The following NTM variants were observed in gnomAD, a reference collection of about 807,000 sequenced individuals.
NTM encodes the protein neurotrimin, also known as IgLON family member 2.
A neutral mutation model predicts 42.1 loss-of-function variants in NTM; 13 were observed. That is an observed-to-expected ratio of 0.31 (90% CI 0.20 to 0.49). The LOEUF (loss-of-function observed/expected upper bound fraction) is 0.49, where lower values mean the gene tolerates loss of function less well. Among genes scored for constraint, NTM ranks in the 20% least tolerant of loss-of-function variants. NTM has a pLI of 0.99. For synonymous variants in NTM, 187 were observed against 179.2 expected, an observed-to-expected ratio of 1.04 and a Z score of -0.35; for missense variants, 373 against 452.8, an observed-to-expected ratio of 0.82 and a Z score of 1.60.
chr11:131,470,164 T>A (rs1362979178), intron 1 of NTM, among the ~76,000 whole-genome samples: 1 of 152,214 alleles, frequency 6.6e-6, no homozygotes, highest in Admixed American at 6.5e-5. Context: ...ACATGGTTAC[T>A]TTCTCTGTTT....
intron 1 of NTM, among the ~76,000 whole-genome samples, chr11:131,722,863 C>T (rs2078534906): frequency 6.6e-6 from 1 of 152,230 alleles, no homozygotes; most frequent in Non-Finnish European, 1.5e-5. Context: ...GACCCAGAAA[C>T]ATTGTGTGAA....
At chr11:131,460,089 T>C (rs1034326337) in intron 1 of NTM, among the ~76,000 whole-genome samples, 4 of 152,208 alleles carry the variant, frequency 2.6e-5, no homozygotes, top group Non-Finnish European at 5.9e-5. Context: ...GATATGGGAC[T>C]GTATTAACAG....
intron 1 of NTM, among the ~76,000 whole-genome samples, chr11:131,751,945 G>C (rs914318512): frequency 6.6e-6 from 1 of 152,142 alleles, no homozygotes; most frequent in East Asian, 1.9e-4. Flanking sequence ...TACCTGACAC[G>C]ACACTGATGC....
chr11:131,768,535 G>A (rs572550876), intron 1 of NTM, among the ~76,000 whole-genome samples: 79 of 152,276 alleles, frequency 5.2e-4, no homozygotes, highest in South Asian at 1.2e-3. Flanking sequence ...CTATCTATAG[G>A]ATCATTGCGG....
intron 2 of NTM, among the ~76,000 whole-genome samples, chr11:132,036,288 A>G (rs2135718681): frequency 6.6e-6 from 1 of 152,234 alleles, no homozygotes; most frequent in Non-Finnish European, 1.5e-5. Context: ...TTCCTCCCCT[A>G]GGCTCCAAGT....
intron 2 of NTM, among the ~76,000 whole-genome samples, chr11:131,959,723 A>C (rs1415319637): frequency 1.3e-5 from 2 of 152,214 alleles, no homozygotes; most frequent in African/African-American, 2.4e-5. Flanking sequence ...TAGCAAATCC[A>C]TTCAATTTGT....
At chr11:131,508,379 G>T (rs928734156) in intron 1 of NTM, among the ~76,000 whole-genome samples, 10 of 150,496 alleles carry the variant, frequency 6.6e-5, no homozygotes, top group Non-Finnish European at 1.3e-4. Context: ...AAAAAGTCAG[G>T]AAACAACAGG....
chr11:131,609,904 C>T (rs1179151222), intron 1 of NTM, among the ~76,000 whole-genome samples: 4 of 152,136 alleles, frequency 2.6e-5, no homozygotes, highest in Non-Finnish European at 5.9e-5. Flanking sequence ...GCTCAGGTTA[C>T]CTGTTTTTCT....
chr11:131,888,269 C>T lies in NTM; in HGVS notation c.83-23295C>T, dbSNP rs142617833. ...TGAGCTGAGATTGCACCACTACACTCCAGCCTCGGCGACAGAGTGAGACTC... is the reference window on the plus strand; with the variant it reads ...TGAGCTGAGATTGCACCACTACACTTCAGCCTCGGCGACAGAGTGAGACTC... On this transcript the variant is annotated intron_variant, in intron 1 of 8. Transcript: ENST00000683400. Among the ~76,000 whole-genome samples, 504 of 152,186 alleles carry T rather than the reference C, an allele frequency of 3.3e-3. 2 individuals are homozygous for T. The highest frequency in any genetic ancestry group is 0.011 in the African/African-American group (476 of 41,524).
chr11:132,160,283 C>T (rs376587048), intron 3 of NTM, among the ~76,000 whole-genome samples: 93 of 152,260 alleles, frequency 6.1e-4, no homozygotes, highest in African/African-American at 2.2e-3. Context: ...GTGATTGAGT[C>T]GGTCTGGTAG....
chr11:131,845,357 G>A (rs994468139), intron 1 of NTM, among the ~76,000 whole-genome samples: 1 of 152,026 alleles, frequency 6.6e-6, no homozygotes, highest in African/African-American at 2.4e-5. Flanking sequence ...TCTGGAATGG[G>A]GTTGGAGAAG....
chr11:131,785,936 A>G (rs548129239), intron 1 of NTM, among the ~76,000 whole-genome samples: 2 of 152,332 alleles, frequency 1.3e-5, no homozygotes, highest in Admixed American at 6.5e-5. Context: ...CCTGTAGTGC[A>G]GGCGTTCTAT....
At chr11:131,547,730 A>G (rs142858876) in intron 1 of NTM, among the ~76,000 whole-genome samples, 21 of 152,272 alleles carry the variant, frequency 1.4e-4, no homozygotes, top group Non-Finnish European at 2.9e-4. Flanking sequence ...TGACTATACT[A>G]TACACCCTCT....
At chr11:131,690,943 A>G (rs921974955) in intron 1 of NTM, among the ~76,000 whole-genome samples, 4 of 152,154 alleles carry the variant, frequency 2.6e-5, no homozygotes, top group African/African-American at 9.7e-5. Flanking sequence ...ATCGAAACCC[A>G]GGGAGGAGAA....
intron 3 of NTM, among the ~76,000 whole-genome samples, chr11:132,204,484 C>T (rs1265179043): frequency 2.6e-5 from 4 of 152,148 alleles, no homozygotes; most frequent in Non-Finnish European, 5.9e-5. Flanking sequence ...GCAAGCCAGG[C>T]AGGCTGGGGG....
At chr11:132,230,915 G>A (rs1241861623) in intron 4 of NTM, among the ~76,000 whole-genome samples, 1 of 152,202 alleles carries the variant, frequency 6.6e-6, no homozygotes, top group African/African-American at 2.4e-5. Context: ...TCGCAGCTGA[G>A]GCAGAAGGAT....
intron 2 of NTM, among the ~76,000 whole-genome samples, chr11:132,005,583 G>T (rs78728764): frequency 0.025 from 3,743 of 152,274 alleles, 68 homozygotes; most frequent in South Asian, 0.053. Flanking sequence ...ATTAAATGAG[G>T]TAATTTTATG....
chr11:131,853,209 C>T (rs1224373884), intron 1 of NTM, among the ~76,000 whole-genome samples: 3 of 151,906 alleles, frequency 2.0e-5, no homozygotes, highest in Admixed American at 6.6e-5. Flanking sequence ...ACAGTCTGAG[C>T]ACCATAAGCA....
intron 1 of NTM, among the ~76,000 whole-genome samples, chr11:131,592,388 G>C (rs1334983027): frequency 6.6e-6 from 1 of 152,064 alleles, no homozygotes; most frequent in Non-Finnish European, 1.5e-5. Context: ...ACGAAGTCTA[G>C]CCCAGGGCCT....
Sources: gnomAD v4.1 joint callset for allele counts (sites outside exome capture counted in the v4.1 genomes callset) on GRCh38, gnomAD v4.1.1 for gene constraint, MANE v1.5 for transcripts, NCBI Gene and HGNC (gene_info 2026-07-23, HGNC 2026-07-21) for gene names.